Variants in PAPPA2 observed in about 807,000 individuals in gnomAD.
PAPPA2 encodes the protein pappalysin-2.
PAPPA2 carries 86 observed loss-of-function variants against 176.4 expected under a neutral mutation model. The observed-to-expected ratio is 0.49, with a 90% confidence interval of 0.41 to 0.58. The LOEUF (loss-of-function observed/expected upper bound fraction) is 0.58, where lower values mean the gene tolerates loss of function less well. Among genes scored for constraint, PAPPA2 ranks in the 20% least tolerant of loss-of-function variants. The probability of loss-of-function intolerance (pLI) is 0.00; values close to 1 mark genes in which losing one functional copy is unlikely to be tolerated. For missense variants in PAPPA2, 2,073 were observed against 2,256.9 expected, an observed-to-expected ratio of 0.92 and a Z score of 1.65; for synonymous variants, 809 against 852.2, an observed-to-expected ratio of 0.95 and a Z score of 0.88.
chr1:176,626,028 A>T (rs1655986560), intron 3 of PAPPA2, among the ~76,000 whole-genome samples: 2 of 152,304 alleles, frequency 1.3e-5, no homozygotes, highest in South Asian at 2.1e-4. Context: ...GTCTCTAAAA[A>T]GATTTGTAAA....
chr1:176,683,497 C>T (rs1186785940), intron 4 of PAPPA2, among the ~76,000 whole-genome samples: 1 of 152,190 alleles, frequency 6.6e-6, no homozygotes, highest in African/African-American at 2.4e-5. Context: ...CTTTATTCTT[C>T]TGTCATTAAA....
chr1:176,570,015 T>G (rs1652224431), intron 2 of PAPPA2, among the ~76,000 whole-genome samples: 1 of 152,250 alleles, frequency 6.6e-6, no homozygotes, highest in Non-Finnish European at 1.5e-5. Context: ...ATTTACAACT[T>G]GGTTTAACTA....
Position 176,739,986 on chromosome 1 carries a change from A to T in PAPPA2, c.3941A>T (p.Tyr1314Phe), listed in dbSNP as rs770977545. The change falls in exon 14 of 23, where the codon TAT (tyrosine) becomes TTT (phenylalanine). Residue 1314 changes from tyrosine (Y) to phenylalanine (F), a missense_variant. Around this residue, in one of 4 missense-constraint regions of PAPPA2, gnomAD observed 846 missense variants for 857.9 expected, o/e 0.99. Transcript: ENST00000367662. The part of the protein sequence containing the change: ...VRGSNHSLGT[Y>F]GLSCQHNPLI... ...CATCTCCGTTTATCTTCAGGAACCT[A>T]TGGACTGTCATGCCAGCATAATCCA... 2 of 1,613,872 alleles carry T rather than the reference A, an allele frequency of 1.2e-6. No individual in the cohort carries two copies. Among genetic ancestry groups the T allele is most frequent in the Non-Finnish European group, 1.7e-6 (2 of 1,179,796 alleles).
intron 21 of PAPPA2, among the ~76,000 whole-genome samples, chr1:176,837,083 T>C (rs1667299381): frequency 6.6e-6 from 1 of 152,158 alleles, no homozygotes; most frequent in African/African-American, 2.4e-5. Flanking sequence ...TTTTGAGAAG[T>C]TTCCGAAGCG....
intron 2 of PAPPA2, among the ~76,000 whole-genome samples, chr1:176,561,443 A>G (rs1182533601): frequency 6.6e-6 from 1 of 151,814 alleles, no homozygotes; most frequent in Non-Finnish European, 1.5e-5. Context: ...CTAACCTATC[A>G]TTTTTCCTTA....
chr1:176,484,252 T>A (rs1226618659), intron 1 of PAPPA2, among the ~76,000 whole-genome samples: 1 of 152,202 alleles, frequency 6.6e-6, no homozygotes, highest in East Asian at 1.9e-4. Context: ...TTTTTCCCCC[T>A]CTGGATTCTT....
intron 14 of PAPPA2, among the ~76,000 whole-genome samples, chr1:176,741,876 T>G (rs1185526504): frequency 1.3e-5 from 2 of 152,236 alleles, no homozygotes; most frequent in African/African-American, 4.8e-5. Flanking sequence ...TCAAATTATA[T>G]TCTCTACTGG....
intron 3 of PAPPA2, among the ~76,000 whole-genome samples, chr1:176,610,991 A>C (rs1654885393): frequency 6.6e-6 from 1 of 152,226 alleles, no homozygotes. Context: ...GCCAAGTGCT[A>C]TCTTTAATTA....
At chr1:176,609,563 C>G (rs371362713) in intron 3 of PAPPA2, among the ~76,000 whole-genome samples, 1 of 152,150 alleles carries the variant, frequency 6.6e-6, no homozygotes, top group Non-Finnish European at 1.5e-5. Flanking sequence ...AGGGAGTGAG[C>G]CACGTGGAAT....
chr1:176,557,399 G>C (rs1345380162), intron 2 of PAPPA2, among the ~76,000 whole-genome samples, 158 bp downstream of exon 2: 1 of 152,130 alleles, frequency 6.6e-6, no homozygotes. Flanking sequence ...TAATCAGCAC[G>C]GCAGGATTCC....
rs150797842 is a variant in PAPPA2, at chr1:176,683,847, C to T, written c.2138-6290C>T. ...TCCCTCTGCTCTCAGATCATACAAA[C>T]CTATTTTGGGTTTTTATCCCTTTCC... On this transcript the variant is annotated intron_variant, in intron 4 of 22. Transcript: ENST00000367662. Among the ~76,000 whole-genome samples the T allele has an allele frequency of 5.5e-4, 84 of 152,218 alleles. 1 individual carries two copies. Among genetic ancestry groups the T allele is most frequent in the Middle Eastern group, 3.4e-3 (1 of 294 alleles).
intron 3 of PAPPA2, among the ~76,000 whole-genome samples, chr1:176,662,501 C>T (rs1658411567): frequency 6.6e-6 from 1 of 151,552 alleles, no homozygotes; most frequent in Admixed American, 6.6e-5. Flanking sequence ...GATCAATGCT[C>T]TGAAACAAAT....
rs1204589978 is a variant in PAPPA2, at chr1:176,506,055, T to C, written c.-917+42637T>C. Among the ~76,000 whole-genome samples, 3 of 152,126 alleles carry C rather than the reference T, an allele frequency of 2.0e-5. No individual in the cohort carries two copies. In the East Asian group the frequency reaches 5.8e-4, roughly 29 times the overall value. On this transcript the variant is annotated intron_variant, in intron 1 of 22. Coordinates refer to ENST00000367662, the MANE Select transcript of PAPPA2 (RefSeq NM_020318.3). ...AAAGATAAGCACCCAATTTCATTCT[T>C]CTGTGTGTGGCTAGCCAGTTATCCC... is the stretch of plus-strand genomic sequence containing the variant.
At chr1:176,829,687 A>C (rs1217821592) in intron 21 of PAPPA2, among the ~76,000 whole-genome samples, 1 of 152,272 alleles carries the variant, frequency 6.6e-6, no homozygotes, top group Middle Eastern at 3.4e-3. Flanking sequence ...TCTGTCTCTG[A>C]CTTGTACCTG....
At chr1:176,689,078 G>T (rs1659977816) in intron 4 of PAPPA2, among the ~76,000 whole-genome samples, 1 of 152,188 alleles carries the variant, frequency 6.6e-6, no homozygotes, top group Non-Finnish European at 1.5e-5. Context: ...ACAGCCAGGG[G>T]TGACCTTGGA....
intron 17 of PAPPA2, among the ~76,000 whole-genome samples, chr1:176,771,526 A>G (rs891556994): frequency 6.6e-6 from 1 of 152,192 alleles, no homozygotes; most frequent in Non-Finnish European, 1.5e-5. Flanking sequence ...GCAGACACTT[A>G]TGAGCTGTGG....
At chr1:176,801,876 C>T (rs1196330847) in intron 21 of PAPPA2, among the ~76,000 whole-genome samples, 2 of 152,094 alleles carry the variant, frequency 1.3e-5, no homozygotes, top group Non-Finnish European at 2.9e-5. Flanking sequence ...AGCACATCAG[C>T]GGGGTCACTT....
intron 3 of PAPPA2, among the ~76,000 whole-genome samples, chr1:176,659,650 A>T (rs1658246513): frequency 6.6e-6 from 1 of 152,154 alleles, no homozygotes; most frequent in African/African-American, 2.4e-5. Context: ...GGATATACAG[A>T]TACATAAATC....
At chr1:176,535,609 G>C (rs1023743871) in intron 1 of PAPPA2, among the ~76,000 whole-genome samples, 1 of 152,174 alleles carries the variant, frequency 6.6e-6, no homozygotes, top group Non-Finnish European at 1.5e-5. Flanking sequence ...CCAGGCCAGA[G>C]GAAGAGGGTG....
Sources: allele counts gnomAD v4.1 joint callset (sites outside exome capture counted in the v4.1 genomes callset), GRCh38; gene constraint gnomAD v4.1.1; regional missense constraint gnomAD v4.1.1; transcripts MANE v1.5; gene names NCBI Gene and HGNC (gene_info 2026-07-23, HGNC 2026-07-21).